Variants in ZMIZ1 observed in about 807,000 individuals in gnomAD.
ZMIZ1 encodes the protein zinc finger MIZ-type containing 1, also known as zinc finger MIZ domain-containing protein 1.
Under a neutral mutation model 113.9 loss-of-function variants are expected in ZMIZ1, and 17 were observed. The observed-to-expected ratio is 0.15, with a 90% CI of 0.10 to 0.22. The LOEUF is 0.22. Among genes scored for constraint, ZMIZ1 ranks in the 10% least tolerant of loss-of-function variants. The pLI is 1.00. For missense variants in ZMIZ1, 1,059 were observed against 1,477.8 expected (o/e 0.72, Z 4.65); for synonymous variants, 607 against 603.1 (o/e 1.01, Z -0.09).
chr10:79,206,934 G>A (rs1312815162), intron 5 of ZMIZ1, among the ~76,000 whole-genome samples: 2 of 152,186 alleles, frequency 1.3e-5, no homozygotes, highest in Non-Finnish European at 2.9e-5. Flanking sequence ...TGCCTCGCAT[G>A]AACTACATTG....
At position 79,299,105 on chromosome 10, in the gene ZMIZ1, G is replaced by A. The variant is rs1035201622; in HGVS notation, c.1722G>A (p.Leu574=). Residue 574 remains leucine (L), a synonymous_variant, in exon 16 of 25, where the codon CTG becomes CTA. Coordinates refer to ENST00000334512, the MANE Select transcript of ZMIZ1 (RefSeq NM_020338.4). ...LTFPVRDGVV[L]EPFRLEHNLA... Reference sequence around the variant, plus strand: ...TCCCTGTGCGGGATGGCGTGGTGCTGGAGCCCTTCCGCCTGGAGCACAACC... The same window carrying A: ...TCCCTGTGCGGGATGGCGTGGTGCTAGAGCCCTTCCGCCTGGAGCACAACC... 3.1e-6 allele frequency: 5 copies of A among 1,612,554 alleles called. No homozygotes were observed. The African/African-American group carries it at 5.3e-5, about 17-fold the overall frequency.
intron 3 of ZMIZ1, among the ~76,000 whole-genome samples, chr10:79,157,529 C>T (rs10824723): frequency 0.79 from 120,374 of 151,996 alleles, 48,025 homozygotes; most frequent in African/African-American, 0.85. Flanking sequence ...GTCCTTGCTC[C>T]GGCCAATGTC....
rs151220067 is a variant in ZMIZ1 at position 79,210,207 on chromosome 10, C to T, written c.174+1758C>T. On this transcript the variant is annotated intron_variant, in intron 6 of 24. Transcript: ENST00000334512. Reference sequence around the variant, plus strand: ...GTGTGACGTGTGTCCAGCCAGGCTGCCACAGTCTCCAGCACATTGCCCCGA... The same window carrying T: ...GTGTGACGTGTGTCCAGCCAGGCTGTCACAGTCTCCAGCACATTGCCCCGA... Among the ~76,000 whole-genome samples, 81 of 152,202 alleles carry T rather than the reference C, an allele frequency of 5.3e-4. 1 individual carries two copies. In the East Asian group the frequency reaches 0.015, roughly 29 times the overall value.
chr10:79,091,563 A>G (rs1047653250), intron 1 of ZMIZ1, among the ~76,000 whole-genome samples: 19 of 152,308 alleles, frequency 1.2e-4, no homozygotes, highest in South Asian at 4.1e-4. Context: ...AGAATGAGCT[A>G]GAGTGGTCGG....
In ZMIZ1 at chr10:79,152,718, T is replaced by A. The variant is rs536765779; in HGVS notation, c.-130-9335T>A. On this transcript the variant is annotated intron_variant, in intron 3 of 24. Transcript: ENST00000334512. ...GTACAGCTCTACCACTTTCTAATAC[T>A]GGGCAAGTGAATTCATGCCTCTGAG... 2.5e-3 allele frequency among the ~76,000 whole-genome samples: 384 copies of A among 152,362 alleles called. 1 individual carries two copies. The highest frequency in any genetic ancestry group is 8.5e-3 in the African/African-American group (354 of 41,580).
intron 7 of ZMIZ1, among the ~76,000 whole-genome samples, chr10:79,221,709 G>T (rs1032848835): frequency 6.6e-6 from 1 of 152,254 alleles, no homozygotes; most frequent in Non-Finnish European, 1.5e-5. Context: ...CTCAGCTCCT[G>T]TCCATGCTTG....
chr10:79,095,414 C>T (rs1843136275), intron 1 of ZMIZ1, among the ~76,000 whole-genome samples: 1 of 152,218 alleles, frequency 6.6e-6, no homozygotes, highest in African/African-American at 2.4e-5. Context: ...ACCGCCCCTT[C>T]CAGGCCCACT....
Position 79,118,031 on chromosome 10 carries a change from G to A in ZMIZ1, c.-336-884G>A, listed in dbSNP as rs562304157. ...GGGTCTGCAGATGCAGGAACTGGGG[G>A]GAGACAGCCACACAGCCTCCATCCC... On this transcript the variant is annotated intron_variant, in intron 1 of 24. Transcript: ENST00000334512. The surrounding 1 kb of genome is among the most constrained non-coding windows in gnomAD (Gnocchi z 4.1). Among the ~76,000 whole-genome samples the A allele has an allele frequency of 7.9e-5, 12 of 152,330 alleles. No individual in the cohort carries two copies. Among genetic ancestry groups the A allele is most frequent in the African/African-American group, 2.6e-4 (11 of 41,576 alleles).
At chr10:79,088,180 T>C (rs78380565) in intron 1 of ZMIZ1, among the ~76,000 whole-genome samples, 1 of 152,130 alleles carries the variant, frequency 6.6e-6, no homozygotes, top group African/African-American at 2.4e-5. Flanking sequence ...CAGGAGCGCT[T>C]TGTGGGTCAG....
chr10:79,175,307 C>T (rs542146125), intron 4 of ZMIZ1, among the ~76,000 whole-genome samples: 1 of 152,366 alleles, frequency 6.6e-6, no homozygotes, highest in Admixed American at 6.5e-5. Flanking sequence ...TTAGCAGCCA[C>T]AGCTGCCCGT....
At chr10:79,264,248 G>T (rs573374577) in intron 7 of ZMIZ1, among the ~76,000 whole-genome samples, 2 of 152,288 alleles carry the variant, frequency 1.3e-5, no homozygotes, top group South Asian at 4.1e-4. Flanking sequence ...TTGTCACCTT[G>T]CCTCTTGAGC....
chr10:79,193,625 A>C (rs908336915), intron 4 of ZMIZ1, among the ~76,000 whole-genome samples: 1 of 152,186 alleles, frequency 6.6e-6, no homozygotes. Flanking sequence ...ATGGAGAGAC[A>C]GTTGCAAGGA....
intron 1 of ZMIZ1, among the ~76,000 whole-genome samples, chr10:79,073,911 G>T (rs766171129): frequency 5.3e-5 from 8 of 152,184 alleles, no homozygotes; most frequent in Non-Finnish European, 8.8e-5. Context: ...TCCTGGGAGA[G>T]ACCAGAACTG....
intron 5 of ZMIZ1, 21 bp from the exon 6 acceptor site, chr10:79,208,315 C>G (rs771634175): frequency 1.2e-6 from 2 of 1,609,292 alleles, no homozygotes; most frequent in Admixed American, 3.3e-5. Context: ...GCCTCAGCCG[C>G]CTCCTTTTCC....
chr10:79,114,475 GTC>G (rs778115824), intron 1 of ZMIZ1, among the ~76,000 whole-genome samples: 14,643 of 121,524 alleles, frequency 0.12, 858 homozygotes, highest in Admixed American at 0.19. Flanking sequence ...GTGTGTGTGT[GTC>G]TGTGTGTGTG....
chr10:79,133,837 T>C (rs1844877226), intron 2 of ZMIZ1, among the ~76,000 whole-genome samples: 1 of 152,230 alleles, frequency 6.6e-6, no homozygotes, highest in Non-Finnish European at 1.5e-5. Context: ...CCTCGGAGCA[T>C]GCAGTGTTTA....
At chr10:79,269,289 A>G (rs188129332) in intron 7 of ZMIZ1, among the ~76,000 whole-genome samples, 1 of 152,200 alleles carries the variant, frequency 6.6e-6, no homozygotes, top group East Asian at 1.9e-4. Flanking sequence ...TATTGGAATC[A>G]TGAATCCCAC....
intron 1 of ZMIZ1, among the ~76,000 whole-genome samples, chr10:79,086,038 A>C (rs1215040222): frequency 1.3e-5 from 2 of 151,646 alleles, no homozygotes; most frequent in Non-Finnish European, 2.9e-5. Flanking sequence ...TCTAGCTGGG[A>C]CTCTCCTTTG....
chr10:79,164,876 C>A lies in ZMIZ1; in HGVS notation c.-50+2743C>A, dbSNP rs778334566. ...TGGTTACTGGGGAGGCTGCACTGAT[C>A]GGGAGGAAGCCTGTTCCCTCCAGAG... On this transcript the variant is annotated intron_variant, in intron 4 of 24. Coordinates refer to ENST00000334512, the MANE Select transcript of ZMIZ1 (RefSeq NM_020338.4). 3.3e-5 allele frequency among the ~76,000 whole-genome samples: 5 copies of A among 152,228 alleles called. No homozygotes were observed. The South Asian group carries it at 1.0e-3, about 32-fold the overall frequency.
Sources: allele counts gnomAD v4.1 joint callset (sites outside exome capture counted in the v4.1 genomes callset), GRCh38; gene constraint gnomAD v4.1.1; non-coding constraint Gnocchi (gnomAD v3.1); transcripts MANE v1.5; gene names NCBI Gene and HGNC (gene_info 2026-07-23, HGNC 2026-07-21).